The following RFC3 variants were observed in gnomAD, a reference collection of about 807,000 sequenced individuals.
RFC3 encodes the protein A1 38 kDa subunit.
A neutral mutation model predicts 45.1 loss-of-function variants in RFC3; 41 were observed. The observed-to-expected ratio is 0.91, with a 90% CI of 0.71 to 1.18. The LOEUF (loss-of-function observed/expected upper bound fraction) is 1.18, where lower values mean the gene tolerates loss of function less well. Among genes scored for constraint, RFC3 ranks in the 50% most tolerant of loss-of-function variants. The probability of loss-of-function intolerance (pLI) is 0.00; values close to 1 mark genes in which losing one functional copy is unlikely to be tolerated. For missense variants in RFC3, 423 were observed against 428.1 expected (o/e 0.99, Z 0.10); for synonymous variants, 149 against 144.0 (o/e 1.03, Z -0.25).
At chr13:33,896,125 CA>C (rs1216044813) in intron 8 of RFC3, among the ~76,000 whole-genome samples, 1 of 150,420 alleles carries the variant, frequency 6.6e-6, no homozygotes, top group Admixed American at 6.6e-5. Flanking sequence ...GTTTGCATAA[CA>C]AAAAAACCAC....
intron 8 of RFC3, among the ~76,000 whole-genome samples, chr13:33,957,275 T>C (rs991289807): frequency 6.6e-6 from 1 of 152,230 alleles, no homozygotes; most frequent in African/African-American, 2.4e-5. Context: ...CAGAACCTCA[T>C]TGGATGATCA....
At chr13:33,918,223 T>C (rs1195166624) in intron 8 of RFC3, among the ~76,000 whole-genome samples, 1 of 152,118 alleles carries the variant, frequency 6.6e-6, no homozygotes, top group Non-Finnish European at 1.5e-5. Context: ...CAGACAGACA[T>C]GCTGCAGATG....
At chr13:33,865,768 G>C (rs2082369093) in intron 8 of RFC3, among the ~76,000 whole-genome samples, 1 of 152,098 alleles carries the variant, frequency 6.6e-6, no homozygotes, top group Non-Finnish European at 1.5e-5. Context: ...AAAATATTCA[G>C]TGTGGCCAGG....
At chr13:33,832,448 C>G (rs1024095954) in intron 7 of RFC3, among the ~76,000 whole-genome samples, 5 of 152,102 alleles carry the variant, frequency 3.3e-5, no homozygotes, top group Admixed American at 1.3e-4. Context: ...AGAAATTCTT[C>G]AAAGGTATTG....
In RFC3 at chr13:33,821,120, C is replaced by A. The variant is rs373883676; in HGVS notation, c.88-12C>A. On this transcript the variant is annotated splice_polypyrimidine_tract_variant and intron_variant, in intron 1 of 8. Transcript: ENST00000380071. ...TTTGACTAGGGAAAAATGCCTTGTT[C>A]TTTTTTTTCAGGTGCAGTGTGGTGA... is the stretch of plus-strand genomic sequence containing the variant. The A allele has an allele frequency of 6.2e-7, 1 of 1,611,056 alleles. No individual in the cohort carries two copies. The highest frequency in any genetic ancestry group is 8.5e-7 in the Non-Finnish European group (1 of 1,178,200).
At chr13:33,834,329 T>TACACATAC (rs1555308492) in intron 7 of RFC3, among the ~76,000 whole-genome samples, 19 of 125,088 alleles carry the variant, frequency 1.5e-4, no homozygotes, top group African/African-American at 4.7e-4. Flanking sequence ...TATATATATA[T>TACACATAC]ATCTGTACTG....
At chr13:33,866,491 T>G (rs2082374516) in intron 8 of RFC3, among the ~76,000 whole-genome samples, 1 of 152,200 alleles carries the variant, frequency 6.6e-6, no homozygotes, top group Non-Finnish European at 1.5e-5. Flanking sequence ...AAATAAGAAA[T>G]AAAACCATCT....
At chr13:33,889,550 CT>C (rs1348769192) in intron 8 of RFC3, among the ~76,000 whole-genome samples, 1 of 152,180 alleles carries the variant, frequency 6.6e-6, no homozygotes, top group Admixed American at 6.5e-5. Flanking sequence ...TTTATTACTT[CT>C]TTGTGCTAAT....
intron 8 of RFC3, among the ~76,000 whole-genome samples, chr13:33,931,842 A>G (rs1026932530): frequency 1.3e-5 from 2 of 152,064 alleles, no homozygotes; most frequent in African/African-American, 2.4e-5. Context: ...TAACACCTTC[A>G]TTATAAAGTC....
At chr13:33,925,803 C>T (rs1475703760) in intron 8 of RFC3, among the ~76,000 whole-genome samples, 2 of 151,726 alleles carry the variant, frequency 1.3e-5, no homozygotes, top group Non-Finnish European at 2.9e-5. Flanking sequence ...ATGAACCCCC[C>T]GACCAACCAC....
At chr13:33,835,971 C>A in intron 8 of RFC3, 133 bp from the exon 9 acceptor site, 1 of 974,764 alleles carries the variant, frequency 1.0e-6, no homozygotes, top group Non-Finnish European at 1.4e-6. Flanking sequence ...GTCGTTGATT[C>A]ACATAAAAAA....
intron 8 of RFC3, among the ~76,000 whole-genome samples, chr13:33,900,704 AG>A (rs368953455): frequency 1.2e-3 from 179 of 152,120 alleles, no homozygotes; most frequent in African/African-American, 4.2e-3. Flanking sequence ...CAAGTTAAAA[AG>A]CTTCTGCACA....
At chr13:33,926,619 T>C (rs1342332780) in intron 8 of RFC3, among the ~76,000 whole-genome samples, 1 of 152,130 alleles carries the variant, frequency 6.6e-6, no homozygotes, top group Non-Finnish European at 1.5e-5. Flanking sequence ...TAAGTTTTAC[T>C]GTAGTTTTCA....
intron 8 of RFC3, among the ~76,000 whole-genome samples, chr13:33,890,780 G>A (rs1019096946): frequency 3.9e-5 from 6 of 152,242 alleles, no homozygotes; most frequent in Middle Eastern, 3.4e-3. Flanking sequence ...AAGAGCTTAG[G>A]TTACTTGTCC....
chr13:33,836,865 G>A lies in RFC3; in HGVS notation c.*570G>A, dbSNP rs891919067. The A allele has an allele frequency of 1.0e-6, 1 of 983,856 alleles. No homozygotes were observed. Among genetic ancestry groups the A allele is most frequent in the Admixed American group, 6.2e-5 (1 of 16,238 alleles). 60.9% of individuals were successfully genotyped at this position (983,856 alleles called of 1,614,324 possible). A position where few individuals can be genotyped will look rare whatever the true frequency, so the allele number is the denominator to read the frequency against. ...CAGTGGTTCAGATTAGTATTAGGTCGGTACTAAGAAATAAGCATGTTTTCA... is the reference window on the plus strand; with the variant it reads ...CAGTGGTTCAGATTAGTATTAGGTCAGTACTAAGAAATAAGCATGTTTTCA... On this transcript the variant is annotated 3_prime_UTR_variant, in exon 9 of 9. Coordinates refer to ENST00000380071, the MANE Select transcript of RFC3 (RefSeq NM_002915.4).
chr13:33,847,493 A>C (rs542670892), intron 8 of RFC3: 14 of 152,038 alleles, frequency 9.2e-5, no homozygotes, highest in African/African-American at 2.7e-4. Context: ...GTTTGTTCAA[A>C]GCTTATAGTT....
At chr13:33,833,863 T>C (rs1043810507) in intron 7 of RFC3, among the ~76,000 whole-genome samples, 1 of 152,096 alleles carries the variant, frequency 6.6e-6, no homozygotes, top group African/African-American at 2.4e-5. Context: ...GAACTTCAGG[T>C]TTGTTTCAGT....
At chr13:33,954,119 T>C (rs2083006739) in intron 8 of RFC3, among the ~76,000 whole-genome samples, 1 of 152,170 alleles carries the variant, frequency 6.6e-6, no homozygotes, top group African/African-American at 2.4e-5. Context: ...ACCAAAAAAA[T>C]TGATAGCAAC....
intron 8 of RFC3, among the ~76,000 whole-genome samples, chr13:33,906,059 C>G (rs2082670210): frequency 6.6e-6 from 1 of 152,062 alleles, no homozygotes. Context: ...TATTTTAGCA[C>G]TACTTATAAT....
Sources: allele counts gnomAD v4.1 joint callset (sites outside exome capture counted in the v4.1 genomes callset), GRCh38; gene constraint gnomAD v4.1.1; transcripts MANE v1.5; gene names NCBI Gene and HGNC (gene_info 2026-07-23, HGNC 2026-07-21).